Variants in STON2 observed in about 807,000 individuals in gnomAD.
STON2 encodes stonin 2.
STON2 carries 29 observed loss-of-function variants against 65.7 expected under a neutral mutation model. The ratio of observed to expected loss-of-function variants is 0.44; its 90% CI spans 0.33 to 0.60. The LOEUF is 0.60. Ranked by LOEUF, STON2 falls within the 20% of genes least tolerant of loss-of-function variation. The pLI is 0.03. For synonymous variants in STON2, 404 were observed against 414.2 expected, an observed-to-expected ratio of 0.98 and a Z score of 0.30; for missense variants, 1,054 against 1,118.1, an observed-to-expected ratio of 0.94 and a Z score of 0.82.
chr14:81,361,104 A>C (rs755627877), intron 4 of STON2, among the ~76,000 whole-genome samples: 2 of 152,130 alleles, frequency 1.3e-5, no homozygotes, highest in Non-Finnish European at 2.9e-5. Flanking sequence ...ATCCCTATCA[A>C]AATTCCAATG....
upstream of STON2, among the ~76,000 whole-genome samples, chr14:81,403,901 T>C (rs568577233): frequency 6.6e-6 from 1 of 152,360 alleles, no homozygotes; most frequent in African/African-American, 2.4e-5. Flanking sequence ...TGAATGCTGA[T>C]ACTATCTTAA....
chr14:81,265,762 AAAC>A lies in STON2; in HGVS notation c.*2649_*2651del. ...GATTTTTCCCAACTCTTGGTAAAAA[AAAC>A]AAAAAAGTCCAGGTGCATGTACACA... is the stretch of plus-strand genomic sequence containing the variant. On this transcript the variant is annotated 3_prime_UTR_variant, in exon 8 of 8. Coordinates refer to ENST00000614646, the MANE Select transcript of STON2 (RefSeq NM_001394390.1). 1 of 985,134 alleles carries A rather than the reference AAAC, an allele frequency of 1.0e-6. No individual in the cohort carries two copies. Among genetic ancestry groups the A allele is most frequent in the Non-Finnish European group, 1.2e-6 (1 of 829,770 alleles). 61.0% of individuals were successfully genotyped at this position (985,134 alleles called of 1,614,324 possible).
intron 4 of STON2, among the ~76,000 whole-genome samples, chr14:81,357,366 A>G (rs569701468): frequency 6.6e-6 from 1 of 152,310 alleles, no homozygotes; most frequent in African/African-American, 2.4e-5. Flanking sequence ...TCTCACACCA[A>G]TTAGAATGGC....
intron 5 of STON2, among the ~76,000 whole-genome samples, chr14:81,287,665 A>G (rs2140146478): frequency 6.6e-6 from 1 of 152,254 alleles, no homozygotes. Context: ...GACTATCCCC[A>G]GTTTATTCCA....
At chr14:81,414,496 G>C (rs1216561912) in intron 2 of STON2, among the ~76,000 whole-genome samples, 1 of 152,100 alleles carries the variant, frequency 6.6e-6, no homozygotes, top group Admixed American at 6.6e-5. Flanking sequence ...GTGCTGCTGT[G>C]CCCTGCTCTT....
chr14:81,269,682 T>C (rs756289658), intron 7 of STON2: 148 of 985,128 alleles, frequency 1.5e-4, no homozygotes, highest in Middle Eastern at 5.2e-4. Flanking sequence ...AGAGGAACAA[T>C]AAATCACCAT....
At chr14:81,383,993 C>T (rs984364490) in intron 3 of STON2, among the ~76,000 whole-genome samples, 7 of 152,166 alleles carry the variant, frequency 4.6e-5, no homozygotes, top group Non-Finnish European at 1.0e-4. Context: ...CGGTCACACA[C>T]CAAGAGCACA....
chr14:81,351,165 G>T (rs1898007390), intron 4 of STON2, among the ~76,000 whole-genome samples: 1 of 148,640 alleles, frequency 6.7e-6, no homozygotes. Context: ...AAGGTATTTT[G>T]AGGTAAGCTC....
At chr14:81,418,626 T>C (rs1277427943) in intron 2 of STON2, among the ~76,000 whole-genome samples, 1 of 152,222 alleles carries the variant, frequency 6.6e-6, no homozygotes, top group Non-Finnish European at 1.5e-5. Context: ...AGGAAGTACT[T>C]TTCTGTTTAC....
At chr14:81,430,192 T>G (rs1401616617) in intron 1 of STON2, among the ~76,000 whole-genome samples, 1 of 152,198 alleles carries the variant, frequency 6.6e-6, no homozygotes, top group Non-Finnish European at 1.5e-5. Flanking sequence ...AAAGACTCGC[T>G]GTCTGAATTC....
intron 2 of STON2, among the ~76,000 whole-genome samples, chr14:81,417,992 G>C (rs897429156): frequency 1.3e-5 from 2 of 152,190 alleles, no homozygotes. Flanking sequence ...GTGGTCGCTG[G>C]TGACTTGAGA....
chr14:81,370,525 T>C (rs961702187), intron 4 of STON2, among the ~76,000 whole-genome samples: 4 of 152,244 alleles, frequency 2.6e-5, no homozygotes, highest in African/African-American at 9.6e-5. Flanking sequence ...AAATGATTTG[T>C]AGTCTGGACA....
upstream of STON2, among the ~76,000 whole-genome samples, chr14:81,401,212 G>T (rs1900597115): frequency 6.6e-6 from 1 of 152,202 alleles, no homozygotes; most frequent in Admixed American, 6.5e-5. Context: ...ACAGTGCCCA[G>T]AAGGCAGATT....
At chr14:81,433,734 A>C (rs1333628949) in intron 1 of STON2, among the ~76,000 whole-genome samples, 2 of 152,132 alleles carry the variant, frequency 1.3e-5, no homozygotes, top group Admixed American at 6.6e-5. Context: ...TCCCAGAGAG[A>C]AGCTGTTTCT....
chr14:81,414,627 T>A (rs1901333697), intron 2 of STON2, among the ~76,000 whole-genome samples: 1 of 148,676 alleles, frequency 6.7e-6, no homozygotes. Context: ...ATACTAGATG[T>A]GAAAAAAAAA....
intron 1 of STON2, among the ~76,000 whole-genome samples, chr14:81,431,996 A>G (rs1292690274): frequency 6.6e-6 from 1 of 152,188 alleles, no homozygotes; most frequent in East Asian, 1.9e-4. Flanking sequence ...TCATACCCCG[A>G]TGGATAATTC....
intron 2 of STON2, among the ~76,000 whole-genome samples, chr14:81,397,560 C>A (rs573493334): frequency 6.6e-6 from 1 of 152,100 alleles, no homozygotes; most frequent in Non-Finnish European, 1.5e-5. Flanking sequence ...GCATACCTGT[C>A]GACTCACACT....
Position 81,262,879 on chromosome 14 carries a change from C to T in STON2, c.*5535G>A. ...TTATACATCTCCTTCACGTTTAATT[C>T]CTTAAACACATAAATATGAGTCATG... is the stretch of plus-strand genomic sequence containing the variant. On this transcript the variant is annotated 3_prime_UTR_variant, in exon 8 of 8. Coordinates refer to ENST00000614646, the MANE Select transcript of STON2 (RefSeq NM_001394390.1). 1 of 985,148 alleles carries T rather than the reference C, an allele frequency of 1.0e-6. No homozygotes were observed. Among genetic ancestry groups the T allele is most frequent in the Non-Finnish European group, 1.2e-6 (1 of 829,712 alleles). 61.0% of individuals were successfully genotyped at this position (985,148 alleles called of 1,614,324 possible). A position where few individuals can be genotyped will look rare whatever the true frequency, so the allele number is the denominator to read the frequency against.
At chr14:81,360,806 T>C (rs887858630) in intron 4 of STON2, among the ~76,000 whole-genome samples, 3 of 152,100 alleles carry the variant, frequency 2.0e-5, no homozygotes, top group Non-Finnish European at 4.4e-5. Context: ...TTATAACTAA[T>C]AAACATACAC....
Sources: allele counts gnomAD v4.1 joint callset (sites outside exome capture counted in the v4.1 genomes callset), GRCh38; gene constraint gnomAD v4.1.1; transcripts MANE v1.5; gene names NCBI Gene and HGNC (gene_info 2026-07-23, HGNC 2026-07-21).